The following TBL1X variants were observed in gnomAD, a reference collection of about 807,000 sequenced individuals.
TBL1X encodes the protein F-box-like/WD repeat-containing protein TBL1X.
Under a neutral mutation model 50.7 loss-of-function variants are expected in TBL1X, and 10 were observed. That is an observed-to-expected ratio of 0.20 (90% CI 0.12 to 0.33). The LOEUF is 0.33. TBL1X is among the 10% of genes least tolerant of loss of function. TBL1X has a pLI of 1.00. For missense variants in TBL1X, 340 were observed against 504.4 expected (o/e 0.67, Z 3.12); for synonymous variants, 190 against 214.7 (o/e 0.88, Z 1.01).
chrX:9,581,984 A>G (rs980413590), intron 2 of TBL1X, among the ~76,000 whole-genome samples: 1 of 112,225 alleles, frequency 8.9e-6, no homozygotes. Context: ...GTTTAGGTGA[A>G]GCTGGAACAC....
At chrX:9,522,384 C>T (rs764561871) in intron 2 of TBL1X, among the ~76,000 whole-genome samples, 28 of 111,457 alleles carry the variant, frequency 2.5e-4, no homozygotes, top group African/African-American at 9.1e-4. Context: ...GCCCGTGAGA[C>T]TCTCTGGTCC....
At chrX:9,493,068 C>T (rs1436139692) in intron 1 of TBL1X, among the ~76,000 whole-genome samples, 1 of 111,300 alleles carries the variant, frequency 9.0e-6, no homozygotes, top group Admixed American at 9.6e-5. Flanking sequence ...CTGGTTATTT[C>T]CCTCCACCTG....
At chrX:9,549,464 TTTA>T (rs762177057) in intron 2 of TBL1X, among the ~76,000 whole-genome samples, 1 of 112,699 alleles carries the variant, frequency 8.9e-6, no homozygotes, top group African/African-American at 3.2e-5. Flanking sequence ...TTCAGAGAAA[TTTA>T]TTTTCTCTTT....
At chrX:9,712,130 CTCT>C (rs1184749800) in intron 16 of TBL1X, among the ~76,000 whole-genome samples, 1 of 112,544 alleles carries the variant, frequency 8.9e-6, no homozygotes, top group Non-Finnish European at 1.9e-5. Flanking sequence ...CTGCCTCTTC[CTCT>C]TCTTAGCAGT....
intron 2 of TBL1X, among the ~76,000 whole-genome samples, chrX:9,598,966 C>T (rs1368727887): frequency 4.8e-5 from 5 of 105,164 alleles, no homozygotes; most frequent in Middle Eastern, 4.4e-3. Context: ...TTTTTTTAGA[C>T]GGAGTCTCCC....
rs747627047 is a variant in TBL1X at position 9,557,955 on chromosome X, T to A, written c.-131+56106T>A. ...TCTGTGAAACAATTTTAATGCTAGA[T>A]GTTTTGTAAGTATTTCTCCGGAAAT... On this transcript the variant is annotated intron_variant, in intron 2 of 17. Transcript: ENST00000645353. Among the ~76,000 whole-genome samples the A allele has an allele frequency of 5.3e-5, 6 of 112,592 alleles. No homozygotes were observed. In the South Asian group the frequency reaches 2.2e-3, roughly 41 times the overall value.
chrX:9,606,246 G>A (rs775588814), intron 2 of TBL1X, among the ~76,000 whole-genome samples: 6 of 111,994 alleles, frequency 5.4e-5, no homozygotes, highest in African/African-American at 1.3e-4. Context: ...CAGGGCTCAC[G>A]GGGACCGACC....
chrX:9,500,293 AAAAG>A (rs2081993951), intron 1 of TBL1X, among the ~76,000 whole-genome samples: 1 of 65,333 alleles, frequency 1.5e-5, no homozygotes, highest in Non-Finnish European at 3.0e-5. Flanking sequence ...AAAAAAAAAA[AAAAG>A]CAAGAAAAAA....
intron 2 of TBL1X, among the ~76,000 whole-genome samples, chrX:9,551,915 AG>A (rs1302314652): frequency 8.9e-6 from 1 of 111,794 alleles, no homozygotes; most frequent in East Asian, 2.8e-4. Flanking sequence ...CCCCCACTGC[AG>A]GGGGCAGAGC....
At chrX:9,475,526 G>A (rs781079911) in intron 1 of TBL1X, among the ~76,000 whole-genome samples, 38 of 107,503 alleles carry the variant, frequency 3.5e-4, no homozygotes, top group East Asian at 5.7e-4. Flanking sequence ...AATTACAGGC[G>A]TGAACCACCA....
intron 2 of TBL1X, among the ~76,000 whole-genome samples, chrX:9,510,712 A>G (rs1205151614): frequency 8.9e-6 from 1 of 112,549 alleles, no homozygotes; most frequent in African/African-American, 3.2e-5. Context: ...AGTAAGGCAG[A>G]TGACTTCCAT....
At chrX:9,598,913 TTTTTTG>T (rs1342958627) in intron 2 of TBL1X, among the ~76,000 whole-genome samples, 2 of 86,788 alleles carry the variant, frequency 2.3e-5, no homozygotes, top group African/African-American at 1.0e-4. Context: ...CCTACCTTTT[TTTTTTG>T]TTTTGTTTTG....
intron 2 of TBL1X, among the ~76,000 whole-genome samples, chrX:9,621,003 G>C (rs962291246): frequency 1.8e-5 from 2 of 112,209 alleles, no homozygotes; most frequent in Non-Finnish European, 3.8e-5. Context: ...GAGTGAAGGT[G>C]TGGCATGTGA....
chrX:9,596,277 T>C (rs2082526210), intron 2 of TBL1X, among the ~76,000 whole-genome samples: 1 of 111,919 alleles, frequency 8.9e-6, no homozygotes, highest in African/African-American at 3.3e-5. Flanking sequence ...CTCGAGTTGC[T>C]TGAGTCTAGA....
intron 2 of TBL1X, among the ~76,000 whole-genome samples, chrX:9,558,098 AG>A (rs1269651791): frequency 1.8e-5 from 2 of 112,797 alleles, no homozygotes; most frequent in African/African-American, 6.4e-5. Context: ...ATTATTTTAA[AG>A]GTGTCACTCA....
chrX:9,703,175 C>T (rs2083185235), intron 12 of TBL1X, among the ~76,000 whole-genome samples: 1 of 109,492 alleles, frequency 9.1e-6, no homozygotes, highest in Non-Finnish European at 1.9e-5. Flanking sequence ...TCATGATGAT[C>T]CTTAATAAGA....
At chrX:9,482,922 C>T (rs1331841979) in intron 1 of TBL1X, among the ~76,000 whole-genome samples, 3 of 111,392 alleles carry the variant, frequency 2.7e-5, no homozygotes, top group Non-Finnish European at 5.7e-5. Flanking sequence ...GTGTGGCTGG[C>T]CTTGTGTCTG....
chrX:9,527,181 G>T (rs1251563699), intron 2 of TBL1X, among the ~76,000 whole-genome samples: 4 of 112,082 alleles, frequency 3.6e-5, no homozygotes, highest in Non-Finnish European at 7.5e-5. Context: ...CCGAGAGGGG[G>T]CGCAGTGTGA....
intron 2 of TBL1X, among the ~76,000 whole-genome samples, chrX:9,508,098 C>A (rs2146955805): frequency 8.9e-6 from 1 of 112,305 alleles, no homozygotes; most frequent in African/African-American, 3.2e-5. Context: ...CAAATGGGAT[C>A]TAATTCAACT....
Sources: allele counts gnomAD v4.1 joint callset (sites outside exome capture counted in the v4.1 genomes callset), GRCh38; gene constraint gnomAD v4.1.1; transcripts MANE v1.5; gene names NCBI Gene and HGNC (gene_info 2026-07-23, HGNC 2026-07-21).